ATP2C2: variants seen among roughly 807,000 people sequenced by gnomAD.
The protein encoded by ATP2C2 is calcium-transporting ATPase type 2C member 2.
Under a neutral mutation model 110.8 loss-of-function variants are expected in ATP2C2, and 171 were observed. The observed-to-expected ratio is 1.54, with a 90% CI of 1.36 to 1.75. ATP2C2 has a LOEUF of 1.75. Ranked by LOEUF, ATP2C2 falls within the 40% of genes most tolerant of loss-of-function variation. The pLI, the probability that ATP2C2 is intolerant of heterozygous loss-of-function variation, is 0.00. For missense variants in ATP2C2, 1,963 were observed against 1,235.0 expected (o/e 1.59, Z -8.84); for synonymous variants, 804 against 508.4 (o/e 1.58, Z -7.82).
intron 1 of ATP2C2, among the ~76,000 whole-genome samples, chr16:84,376,960 C>T (rs753634689): frequency 6.6e-6 from 1 of 152,216 alleles, no homozygotes; most frequent in African/African-American, 2.4e-5. Flanking sequence ...GTCAGTGATT[C>T]TTCTGAATTG....
At chr16:84,434,936 A>G (rs998271974) in intron 11 of ATP2C2, among the ~76,000 whole-genome samples, 1 of 152,190 alleles carries the variant, frequency 6.6e-6, no homozygotes, top group African/African-American at 2.4e-5. Context: ...ACCCTCCACA[A>G]ATGTTTGCTT....
chr16:84,411,948 C>G (rs954535171), intron 6 of ATP2C2, among the ~76,000 whole-genome samples: 1 of 150,570 alleles, frequency 6.6e-6, no homozygotes, highest in Non-Finnish European at 1.5e-5. Flanking sequence ...CTTTTCTTTT[C>G]TTTCTTTTCT....
intron 18 of ATP2C2, 27 bp downstream of exon 18, chr16:84,452,118 G>C: frequency 6.2e-7 from 1 of 1,612,994 alleles, no homozygotes; most frequent in South Asian, 1.1e-5. Flanking sequence ...CGGGGGTGAG[G>C]ACGAAAGGAC....
At chr16:84,450,771 G>A (rs1910185089) in intron 17 of ATP2C2, among the ~76,000 whole-genome samples, 1 of 152,126 alleles carries the variant, frequency 6.6e-6, no homozygotes. Flanking sequence ...AAGGCCCAGG[G>A]CAAGCTCACA....
Position 84,404,974 on chromosome 16 carries a change from C to T in ATP2C2, c.211-154C>T, listed in dbSNP as rs781277580. 3.9e-5 allele frequency: 29 copies of T among 745,512 alleles called. No homozygotes were observed. In the Middle Eastern group the frequency reaches 9.0e-4, roughly 23 times the overall value. 46.2% of individuals were successfully genotyped at this position (745,512 alleles called of 1,614,324 possible). On this transcript the variant is annotated intron_variant, in intron 2 of 26. Coordinates refer to ENST00000262429, the MANE Select transcript of ATP2C2 (RefSeq NM_014861.4). The stretch of plus-strand genomic sequence containing the variant: ...TCCTCCTCTCTCTGCCCCATCTGCA[C>T]GGGGTCTTTGAACAAGTCCCAGCAC...
chr16:84,371,714 C>G (rs1909964757), intron 1 of ATP2C2, among the ~76,000 whole-genome samples: 1 of 152,218 alleles, frequency 6.6e-6, no homozygotes, highest in Non-Finnish European at 1.5e-5. Context: ...AGCCCCAGCC[C>G]ACTGCCTTCC....
At chr16:84,459,970 C>T in intron 23 of ATP2C2, 1 of 254,742 alleles carries the variant, frequency 3.9e-6, no homozygotes. Flanking sequence ...AAGGAATGCG[C>T]TTTGGAGTCA....
intron 20 of ATP2C2, among the ~76,000 whole-genome samples, chr16:84,454,216 G>A (rs171577): frequency 0.75 from 114,197 of 151,984 alleles, 42,978 homozygotes; most frequent in South Asian, 0.86. Context: ...GGTTGGTAGA[G>A]AATTAAACAA....
chr16:84,376,224 A>G (rs1910240721), intron 1 of ATP2C2, among the ~76,000 whole-genome samples: 1 of 152,210 alleles, frequency 6.6e-6, no homozygotes, highest in African/African-American at 2.4e-5. Flanking sequence ...GACCAAGGGC[A>G]GGGAGGAAAG....
At chr16:84,454,685 T>G in intron 20 of ATP2C2, 133 bp from the exon 21 acceptor site, 1 of 901,740 alleles carries the variant, frequency 1.1e-6, no homozygotes, top group Non-Finnish European at 1.6e-6. Flanking sequence ...ACAGCTAATG[T>G]GGGTGAAGCT....
At chr16:84,460,325 C>A (rs534664436) in intron 23 of ATP2C2, 13 of 380,034 alleles carry the variant, frequency 3.4e-5, no homozygotes, top group Non-Finnish European at 6.0e-5. Context: ...GAGCCTGGAG[C>A]CTGTTTCTCC....
chr16:84,379,999 A>T (rs1363244818), intron 1 of ATP2C2, among the ~76,000 whole-genome samples: 1 of 152,112 alleles, frequency 6.6e-6, no homozygotes, highest in Non-Finnish European at 1.5e-5. Context: ...CAGAGAACTA[A>T]GCCTTGCATT....
chr16:84,426,731 C>T (rs1232508793), intron 11 of ATP2C2, among the ~76,000 whole-genome samples: 3 of 152,190 alleles, frequency 2.0e-5, no homozygotes, highest in Non-Finnish European at 4.4e-5. Flanking sequence ...ACAACTCTAT[C>T]CAAGCCCTTG....
chr16:84,411,877 G>C (rs1006455684), intron 6 of ATP2C2, among the ~76,000 whole-genome samples: 1 of 152,142 alleles, frequency 6.6e-6, no homozygotes. Context: ...CATTGGTGGA[G>C]GAAGCTGACA....
chr16:84,451,807 C>T, intron 17 of ATP2C2, 114 bp from the exon 18 acceptor site: 2 of 1,121,660 alleles, frequency 1.8e-6, no homozygotes, highest in South Asian at 3.0e-5. Context: ...CACTGCACTC[C>T]AACCTGGGCG....
chr16:84,387,022 C>G (rs1304860744), intron 1 of ATP2C2, among the ~76,000 whole-genome samples: 1 of 152,110 alleles, frequency 6.6e-6, no homozygotes, highest in Non-Finnish European at 1.5e-5. Flanking sequence ...TTGATTGTCG[C>G]CACTCACCTG....
At chr16:84,459,582 G>A (rs532740851) in intron 23 of ATP2C2, 196 bp downstream of exon 23, 179 of 1,536,016 alleles carry the variant, frequency 1.2e-4, no homozygotes, top group Middle Eastern at 3.4e-4. Flanking sequence ...TACCTGGGCC[G>A]GCAGAGCTGG....
rs796599098 is a variant in ATP2C2, at chr16:84,412,534, CTG to C, written c.515+1777_515+1778del. On this transcript the variant is annotated intron_variant, in intron 6 of 26. Transcript: ENST00000262429. ...TGTGTGTGTCTGTGTGTGCATGTGT[CTG>C]TGTGTGTATGCGTGTGTGTGTGTGT... is the stretch of plus-strand genomic sequence containing the variant. Among the ~76,000 whole-genome samples the C allele has an allele frequency of 5.5e-4, 70 of 126,784 alleles. 1 individual carries two copies. The highest frequency in any genetic ancestry group is 1.8e-3 in the African/African-American group (57 of 31,054). 83.2% of individuals were successfully genotyped at this position (126,784 alleles called of 152,430 possible). A position where few individuals can be genotyped will look rare whatever the true frequency, so the allele number is the denominator to read the frequency against.
chr16:84,391,681 G>C (rs913304755), intron 1 of ATP2C2, among the ~76,000 whole-genome samples: 1 of 152,228 alleles, frequency 6.6e-6, no homozygotes, highest in Admixed American at 6.5e-5. Context: ...CTTGCCTGCA[G>C]GGTTCAATGG....
Sources: gnomAD v4.1 joint callset for allele counts (sites outside exome capture counted in the v4.1 genomes callset) on GRCh38, gnomAD v4.1.1 for gene constraint, MANE v1.5 for transcripts, NCBI Gene and HGNC (gene_info 2026-07-23, HGNC 2026-07-21) for gene names.